LRP8: variants seen among roughly 807,000 people sequenced by gnomAD.
LRP8 encodes LDL receptor related protein 8.
LRP8 carries 46 observed loss-of-function variants against 111.6 expected under a neutral mutation model. The observed-to-expected ratio is 0.41, with a 90% CI of 0.33 to 0.53. LRP8 has a LOEUF of 0.53. LRP8 is among the 20% of genes least tolerant of loss of function. The pLI is 0.20. For missense variants in LRP8, 959 were observed against 1,297.4 expected, an observed-to-expected ratio of 0.74 and a Z score of 4.01; for synonymous variants, 464 against 511.2, an observed-to-expected ratio of 0.91 and a Z score of 1.24.
intron 2 of LRP8, among the ~76,000 whole-genome samples, chr1:53,318,178 C>A (rs1023845980): frequency 6.6e-6 from 1 of 151,780 alleles, no homozygotes; most frequent in African/African-American, 2.4e-5. Context: ...TAGAACGCTG[C>A]GGAGGAGATG....
At chr1:53,305,435 A>T (rs1651758603) in intron 2 of LRP8, 1 of 152,122 alleles carries the variant, frequency 6.6e-6, no homozygotes, top group Non-Finnish European at 1.5e-5. Flanking sequence ...GTGAGTCCTT[A>T]AGAGGTTTTT....
At chr1:53,319,304 A>T (rs1173816241) in intron 2 of LRP8, among the ~76,000 whole-genome samples, 2 of 152,076 alleles carry the variant, frequency 1.3e-5, no homozygotes, top group African/African-American at 4.8e-5. Context: ...CCAGGGGAGG[A>T]TGGGGGCCAA....
chr1:53,263,571 G>A (rs1295220816), intron 10 of LRP8, among the ~76,000 whole-genome samples: 2 of 152,196 alleles, frequency 1.3e-5, no homozygotes, highest in Non-Finnish European at 2.9e-5. Flanking sequence ...AACCTAGGTG[G>A]TGAGGGCCCA....
intron 1 of LRP8, chr1:53,327,506 G>C: frequency 2.9e-6 from 1 of 345,546 alleles, no homozygotes; most frequent in Non-Finnish European, 5.1e-6. Flanking sequence ...AGCTCATCCG[G>C]AACCATGAAT....
chr1:53,247,157 C>G (rs1645752487), intron 18 of LRP8, 101 bp from the exon 19 acceptor site: 1 of 843,218 alleles, frequency 1.2e-6, no homozygotes, highest in Admixed American at 3.1e-5. Context: ...CAGGTATTAG[C>G]TCACATAATG....
intron 2 of LRP8, among the ~76,000 whole-genome samples, chr1:53,290,735 A>G (rs1347254895): frequency 6.6e-6 from 1 of 152,200 alleles, no homozygotes; most frequent in Non-Finnish European, 1.5e-5. Flanking sequence ...CTTCCCAAGC[A>G]GCAGCACAGC....
chr1:53,263,991 G>A (rs1646447600), intron 10 of LRP8, among the ~76,000 whole-genome samples, 178 bp downstream of exon 10: 2 of 152,178 alleles, frequency 1.3e-5, no homozygotes, highest in Admixed American at 6.5e-5. Context: ...AGTCCAGGGA[G>A]AACTTTGGTG....
intron 2 of LRP8, among the ~76,000 whole-genome samples, chr1:53,310,199 A>G (rs1380895940): frequency 2.5e-5 from 3 of 121,798 alleles, no homozygotes; most frequent in African/African-American, 1.0e-4. Context: ...GAGGGAAGAG[A>G]CGGGCTGGGG....
Position 53,275,294 on chromosome 1 carries a change from T to C in LRP8, c.1006+337A>G, listed in dbSNP as rs56211516. ...CCATCTGAGAACTAAAGGGGCTCCC[T>C]GGGGAGCAAGACTCAGCCTCTGCTC... is the stretch of plus-strand genomic sequence containing the variant. On this transcript the variant is annotated intron_variant, in intron 6 of 18. Transcript: ENST00000306052. The surrounding 1 kb of genome is among the most constrained non-coding windows in gnomAD (Gnocchi z 4.4). Among the ~76,000 whole-genome samples, 420 of 152,270 alleles carry C rather than the reference T, an allele frequency of 2.8e-3. No homozygotes were observed. The highest frequency in any genetic ancestry group is 9.8e-3 in the African/African-American group (406 of 41,548).
intron 3 of LRP8, 102 bp from the exon 4 acceptor site, chr1:53,280,817 AG>A: frequency 6.9e-7 from 1 of 1,447,210 alleles, no homozygotes; most frequent in Non-Finnish European, 9.4e-7. Context: ...CCAAGGCCCT[AG>A]GAGTCCATCA....
At chr1:53,270,435 A>G (rs1237436403) in intron 8 of LRP8, among the ~76,000 whole-genome samples, 1 of 152,206 alleles carries the variant, frequency 6.6e-6, no homozygotes, top group Admixed American at 6.5e-5. Context: ...TGACTGCTAT[A>G]CAACCTTCCT....
At chr1:53,315,759 C>A in intron 2 of LRP8, among the ~76,000 whole-genome samples, 1 of 152,206 alleles carries the variant, frequency 6.6e-6, no homozygotes, top group East Asian at 1.9e-4. Context: ...AATCCTCAGT[C>A]TCTCAGAGCC....
At chr1:53,289,310 G>A (rs1393638328) in intron 3 of LRP8, 1 of 365,508 alleles carries the variant, frequency 2.7e-6, no homozygotes, top group Non-Finnish European at 5.1e-6. Flanking sequence ...CTCCTTCTGG[G>A]CAGAAGGGCT....
intron 9 of LRP8, among the ~76,000 whole-genome samples, chr1:53,265,151 A>G (rs1336077373): frequency 2.0e-5 from 3 of 152,186 alleles, no homozygotes; most frequent in Non-Finnish European, 2.9e-5. Context: ...AAGAAGGGCT[A>G]AGAATACAGT....
At chr1:53,260,359 G>T (rs1027616761) in intron 13 of LRP8, 105 bp downstream of exon 13, 2 of 963,932 alleles carry the variant, frequency 2.1e-6, no homozygotes, top group Admixed American at 4.3e-5. Context: ...TTATTCCTGG[G>T]GTTGCTGAGT....
At position 53,245,898 on chromosome 1, in the gene LRP8, C is replaced by G. The variant is rs1347962290; in HGVS notation, c.*1120G>C. The G allele has an allele frequency of 6.6e-6, 1 of 152,642 alleles. No individual in the cohort carries two copies. Among genetic ancestry groups the G allele is most frequent in the Non-Finnish European group, 1.5e-5 (1 of 68,044 alleles). 9.5% of individuals were successfully genotyped at this position (152,642 alleles called of 1,614,324 possible). ...GTCTCTATAGTAAACTTGGGCTGAT[C>G]TGGAAACGTCTCCACTTAGCTCTGT... On this transcript the variant is annotated 3_prime_UTR_variant, in exon 19 of 19. Coordinates refer to ENST00000306052, the MANE Select transcript of LRP8 (RefSeq NM_004631.5).
In LRP8 at chr1:53,327,066, G is replaced by C; in HGVS notation, c.125-74C>G. Reference sequence around the variant, plus strand: ...CCCCACCATGCAGTCCGGGCCACCCGGAAGGACCCGCTGGGGAGGAGGAAA... The same window carrying C: ...CCCCACCATGCAGTCCGGGCCACCCCGAAGGACCCGCTGGGGAGGAGGAAA... On this transcript the variant is annotated intron_variant, in intron 1 of 18. Coordinates refer to ENST00000306052, the MANE Select transcript of LRP8 (RefSeq NM_004631.5). The C allele has an allele frequency of 7.0e-6, 11 of 1,570,158 alleles. No homozygotes were observed. In the South Asian group the frequency reaches 1.3e-4, roughly 18 times the overall value.
At chr1:53,255,042 C>G in intron 16 of LRP8, 75 bp downstream of exon 16, 1 of 1,488,356 alleles carries the variant, frequency 6.7e-7, no homozygotes, top group South Asian at 1.1e-5. Context: ...GCCAAGTTCT[C>G]TACCCTGCTA....
intron 2 of LRP8, among the ~76,000 whole-genome samples, chr1:53,309,963 G>C (rs1279916399): frequency 6.6e-6 from 1 of 152,088 alleles, no homozygotes; most frequent in Non-Finnish European, 1.5e-5. Flanking sequence ...CGCTTCACCA[G>C]AGATGGGAGT....
Sources: allele counts gnomAD v4.1 joint callset (sites outside exome capture counted in the v4.1 genomes callset), GRCh38; gene constraint gnomAD v4.1.1; non-coding constraint Gnocchi (gnomAD v3.1); transcripts MANE v1.5; gene names NCBI Gene and HGNC (gene_info 2026-07-23, HGNC 2026-07-21).